Variants in VWC2 observed in about 807,000 individuals in gnomAD.
The protein encoded by VWC2 is brorin.
VWC2 carries 14 observed loss-of-function variants against 29.8 expected under a neutral mutation model. That is an observed-to-expected ratio of 0.47 (90% CI 0.31 to 0.74). VWC2 has a LOEUF of 0.74. Among genes scored for constraint, VWC2 ranks in the 30% least tolerant of loss-of-function variants. The pLI is 0.05. For synonymous variants in VWC2, 213 were observed against 199.0 expected (o/e 1.07, Z -0.59); for missense variants, 457 against 459.8 (o/e 0.99, Z 0.05).
chr7:49,809,141 C>T (rs1168406669), intron 3 of VWC2, among the ~76,000 whole-genome samples: 2 of 151,910 alleles, frequency 1.3e-5, no homozygotes, highest in East Asian at 3.9e-4. Flanking sequence ...AAAACTTTCA[C>T]TAAACTAACC....
At position 49,838,219 on chromosome 7, in the gene VWC2, A is replaced by G. The variant is rs143931557; in HGVS notation, c.826+35379A>G. Among the ~76,000 whole-genome samples, 1,129 of 152,354 alleles carry G rather than the reference A, an allele frequency of 7.4e-3. 52 individuals are homozygous for G. The South Asian group carries it at 0.12, about 16-fold the overall frequency. ...GGCTTATAACCTCAGTAACGTAAGT[A>G]CATGCTGGGAGCACACAACCGTAAA... On this transcript the variant is annotated intron_variant, in intron 3 of 3. Transcript: ENST00000340652.
chr7:49,831,298 C>A (rs957918804), intron 3 of VWC2, among the ~76,000 whole-genome samples: 1 of 152,098 alleles, frequency 6.6e-6, no homozygotes, highest in African/African-American at 2.4e-5. Flanking sequence ...AAATGTTAAA[C>A]CCTGTGTTTT....
chr7:49,878,752 A>G (rs959429845), intron 3 of VWC2, among the ~76,000 whole-genome samples: 9 of 152,136 alleles, frequency 5.9e-5, no homozygotes, highest in African/African-American at 2.2e-4. Flanking sequence ...TGTACTGCTG[A>G]TATTTTAATT....
At chr7:49,871,871 A>G (rs985000689) in intron 3 of VWC2, among the ~76,000 whole-genome samples, 8 of 147,090 alleles carry the variant, frequency 5.4e-5, no homozygotes, top group Non-Finnish European at 8.9e-5. Flanking sequence ...ACATATGTGC[A>G]TATATAATGT....
chr7:49,802,218 G>A (rs932879821), intron 2 of VWC2, among the ~76,000 whole-genome samples: 1 of 152,240 alleles, frequency 6.6e-6, no homozygotes, highest in Non-Finnish European at 1.5e-5. Flanking sequence ...CGTCCTGTGC[G>A]TTTGCACCTA....
At chr7:49,791,504 A>C (rs1414244988) in intron 2 of VWC2, among the ~76,000 whole-genome samples, 2 of 152,192 alleles carry the variant, frequency 1.3e-5, no homozygotes, top group Non-Finnish European at 2.9e-5. Context: ...ATATTTGCTG[A>C]TGGCTGAAAA....
At chr7:49,823,555 A>C (rs1789315611) in intron 3 of VWC2, among the ~76,000 whole-genome samples, 1 of 152,186 alleles carries the variant, frequency 6.6e-6, no homozygotes, top group Non-Finnish European at 1.5e-5. Flanking sequence ...CCAAATAAGA[A>C]GGTCCATTCC....
At chr7:49,883,704 A>C (rs1162208571) in intron 3 of VWC2, among the ~76,000 whole-genome samples, 2 of 152,226 alleles carry the variant, frequency 1.3e-5, no homozygotes, top group Non-Finnish European at 2.9e-5. Context: ...ACTTCCTCAA[A>C]CAGACATCAG....
In VWC2 at chr7:49,775,502, A is replaced by T. The variant is rs1014514852; in HGVS notation, c.67A>T (p.Met23Leu). The change falls in exon 2 of 4, where the codon ATG becomes TTG. Residue 23 changes from methionine to leucine, a missense_variant. Met to Leu is a conservative substitution (Grantham distance 15). Transcript: ENST00000340652. ...TTCCCTCCTGGTCACCTGCTGCCTG[A>T]TGGTGGCTCTGTGCAGTCCGAGCAT... ...SSSLLVTCCLMVALCSPSIPL... is the reference protein window; with the variant it reads ...SSSLLVTCCLLVALCSPSIPL... The T allele has an allele frequency of 2.6e-6, 4 of 1,561,504 alleles. No homozygotes were observed. Among genetic ancestry groups the T allele is most frequent in the South Asian group, 1.2e-5 (1 of 84,564 alleles).
chr7:49,891,718 T>C (rs1026216316), intron 3 of VWC2, among the ~76,000 whole-genome samples: 23 of 152,350 alleles, frequency 1.5e-4, no homozygotes, highest in Non-Finnish European at 8.8e-5. Flanking sequence ...TGCTTTCTGC[T>C]ACAGCTGAAA....
At chr7:49,900,892 G>C (rs1332669050) in intron 3 of VWC2, among the ~76,000 whole-genome samples, 4 of 151,810 alleles carry the variant, frequency 2.6e-5, no homozygotes, top group Admixed American at 2.6e-4. Context: ...ACCCAACCAT[G>C]TGTAAGAATA....
intron 3 of VWC2, among the ~76,000 whole-genome samples, chr7:49,839,231 G>A (rs1789738698): frequency 6.6e-6 from 1 of 152,176 alleles, no homozygotes; most frequent in African/African-American, 2.4e-5. Flanking sequence ...AAGCTACCCA[G>A]TCTGTGATAT....
chr7:49,908,636 T>C (rs1793235090), intron 3 of VWC2, among the ~76,000 whole-genome samples: 1 of 152,196 alleles, frequency 6.6e-6, no homozygotes, highest in Non-Finnish European at 1.5e-5. Context: ...GTCAGTATAC[T>C]ACACGTGATA....
chr7:49,864,456 C>T (rs1165614940), intron 3 of VWC2, among the ~76,000 whole-genome samples: 1 of 152,146 alleles, frequency 6.6e-6, no homozygotes, highest in Non-Finnish European at 1.5e-5. Flanking sequence ...TTCTAGATTC[C>T]TCCAAATACA....
intron 3 of VWC2, among the ~76,000 whole-genome samples, chr7:49,904,022 T>C (rs913973557): frequency 6.6e-6 from 1 of 152,156 alleles, no homozygotes; most frequent in African/African-American, 2.4e-5. Context: ...AATCTTATTT[T>C]GTAAATGAAC....
chr7:49,858,131 T>A (rs1047662514), intron 3 of VWC2, among the ~76,000 whole-genome samples: 1 of 152,230 alleles, frequency 6.6e-6, no homozygotes, highest in Non-Finnish European at 1.5e-5. Flanking sequence ...AAAGTGTTCC[T>A]ATTTCTCCAC....
At chr7:49,859,825 C>T (rs1370858929) in intron 3 of VWC2, among the ~76,000 whole-genome samples, 2 of 150,746 alleles carry the variant, frequency 1.3e-5, no homozygotes, top group Non-Finnish European at 2.9e-5. Context: ...CACACACACA[C>T]TCACTCTGCT....
At chr7:49,800,721 G>A (rs1296034136) in intron 2 of VWC2, among the ~76,000 whole-genome samples, 1 of 151,842 alleles carries the variant, frequency 6.6e-6, no homozygotes, top group Admixed American at 6.6e-5. Context: ...TTCTCATTCT[G>A]CTTGCTATGT....
chr7:49,916,088 C>T lies in VWC2; in HGVS notation c.*3903C>T, dbSNP rs116403720. The T allele has an allele frequency of 1.3e-5, 2 of 152,158 alleles. No individual in the cohort carries two copies. The highest frequency in any genetic ancestry group is 2.4e-5 in the African/African-American group (1 of 41,428). 9.4% of individuals were successfully genotyped at this position (152,158 alleles called of 1,614,324 possible). On this transcript the variant is annotated 3_prime_UTR_variant, in exon 4 of 4. Coordinates refer to ENST00000340652, the MANE Select transcript of VWC2 (RefSeq NM_198570.5). The stretch of plus-strand genomic sequence containing the variant: ...TCCAAAGATCAGGTTCTCATTGCTC[C>T]GTAGCACAGATTAAACAGCCTACTT...
Sources: allele counts gnomAD v4.1 joint callset (sites outside exome capture counted in the v4.1 genomes callset), GRCh38; gene constraint gnomAD v4.1.1; transcripts MANE v1.5; gene names NCBI Gene and HGNC (gene_info 2026-07-23, HGNC 2026-07-21).